Variants in MAMDC2 observed in about 807,000 individuals in gnomAD.
MAMDC2 encodes the protein MAM domain-containing protein 2.
Under a neutral mutation model 89.8 loss-of-function variants are expected in MAMDC2, and 57 were observed. The ratio of observed to expected loss-of-function variants is 0.63; its 90% CI spans 0.51 to 0.79. The LOEUF (loss-of-function observed/expected upper bound fraction) is 0.79. MAMDC2 is among the 30% of genes least tolerant of loss of function. The probability of loss-of-function intolerance (pLI) is 0.00; values close to 1 mark genes in which losing one functional copy is unlikely to be tolerated. For synonymous variants in MAMDC2, 313 were observed against 293.4 expected (o/e 1.07, Z -0.68); for missense variants, 800 against 820.6 (o/e 0.97, Z 0.31).
At chr9:70,176,880 A>C (rs1212699253) in intron 11 of MAMDC2, among the ~76,000 whole-genome samples, 1 of 152,184 alleles carries the variant, frequency 6.6e-6, no homozygotes, top group Admixed American at 6.5e-5. Flanking sequence ...GTTCCCCCTT[A>C]TCTGCAGGGC....
intron 11 of MAMDC2, among the ~76,000 whole-genome samples, chr9:70,190,227 G>GT (rs1212263642): frequency 6.6e-6 from 1 of 151,956 alleles, no homozygotes; most frequent in Non-Finnish European, 1.5e-5. Context: ...TCTCCCCATA[G>GT]TTTTTTTGTT....
chr9:70,199,049 T>G (rs1392224515), intron 11 of MAMDC2, among the ~76,000 whole-genome samples: 1 of 20,132 alleles, frequency 5.0e-5, no homozygotes, highest in African/African-American at 1.9e-4. Context: ...GCTTATTTTT[T>G]TTTTCGTTTG....
chr9:70,096,831 A>AG (rs752735987), intron 2 of MAMDC2, among the ~76,000 whole-genome samples: 22 of 152,210 alleles, frequency 1.4e-4, no homozygotes, highest in Admixed American at 2.6e-4. Flanking sequence ...AAACTATTAA[A>AG]GGGGGGGATC....
At chr9:70,137,634 T>C (rs1446039280) in intron 7 of MAMDC2, among the ~76,000 whole-genome samples, 1 of 152,184 alleles carries the variant, frequency 6.6e-6, no homozygotes, top group African/African-American at 2.4e-5. Context: ...ATTGAGAATA[T>C]AGTAAGTTTT....
chr9:70,112,433 G>C (rs1828535080), intron 4 of MAMDC2, among the ~76,000 whole-genome samples: 1 of 152,110 alleles, frequency 6.6e-6, no homozygotes, highest in African/African-American at 2.4e-5. Flanking sequence ...GAAAAACAGG[G>C]AATTTTAGCA....
rs554921776 is a variant in MAMDC2, at chr9:70,207,662, TTTG to T, written c.1652-10670_1652-10668del. Among the ~76,000 whole-genome samples the T allele has an allele frequency of 3.3e-5, 5 of 152,334 alleles. No homozygotes were observed. The South Asian group carries it at 1.0e-3, about 32-fold the overall frequency. On this transcript the variant is annotated intron_variant, in intron 11 of 13. Coordinates refer to ENST00000377182, the MANE Select transcript of MAMDC2 (RefSeq NM_153267.5). ...TAGATCCCATTTGTCAATTTTGGCT[TTTG>T]TTGTCATTGCTTTTGGTGTTTTCGA...
chr9:70,101,859 C>T (rs767902004), intron 2 of MAMDC2, among the ~76,000 whole-genome samples: 8 of 152,210 alleles, frequency 5.3e-5, no homozygotes, highest in Non-Finnish European at 1.0e-4. Flanking sequence ...TATCTCACTT[C>T]AGTTTTACAG....
intron 8 of MAMDC2, among the ~76,000 whole-genome samples, chr9:70,143,329 C>A (rs1446342009): frequency 1.3e-5 from 2 of 152,146 alleles, no homozygotes; most frequent in African/African-American, 2.4e-5. Context: ...TATAGAAAAT[C>A]TGTACTGGTT....
intron 2 of MAMDC2, among the ~76,000 whole-genome samples, chr9:70,083,184 C>T (rs905614645): frequency 7.9e-5 from 12 of 152,132 alleles, no homozygotes; most frequent in African/African-American, 2.7e-4. Flanking sequence ...CTGCTATTGT[C>T]TCATTTTCAG....
intron 5 of MAMDC2, among the ~76,000 whole-genome samples, chr9:70,118,983 A>G (rs1467240687): frequency 1.3e-5 from 2 of 152,210 alleles, no homozygotes; most frequent in African/African-American, 4.8e-5. Context: ...GATGATGGAA[A>G]TGACTAAAAT....
intron 2 of MAMDC2, among the ~76,000 whole-genome samples, chr9:70,077,515 T>C (rs892102082): frequency 1.3e-5 from 2 of 152,252 alleles, no homozygotes; most frequent in Non-Finnish European, 2.9e-5. Context: ...TAATTTTATT[T>C]CCTTTCAGTT....
chr9:70,098,142 CT>C (rs1206803501), intron 2 of MAMDC2, among the ~76,000 whole-genome samples: 1 of 152,166 alleles, frequency 6.6e-6, no homozygotes, highest in African/African-American at 2.4e-5. Context: ...TTAGTAAATA[CT>C]TATTAAGACA....
At chr9:70,053,273 A>T (rs1826953098) in intron 2 of MAMDC2, among the ~76,000 whole-genome samples, 1 of 152,210 alleles carries the variant, frequency 6.6e-6, no homozygotes, top group Admixed American at 6.5e-5. Flanking sequence ...CATGTGTTTT[A>T]TGGGATTCTG....
intron 2 of MAMDC2, among the ~76,000 whole-genome samples, chr9:70,074,408 G>C (rs1827481912): frequency 6.6e-6 from 1 of 152,218 alleles, no homozygotes; most frequent in African/African-American, 2.4e-5. Flanking sequence ...TGAAATCCAA[G>C]GGGACAATGG....
intron 8 of MAMDC2, among the ~76,000 whole-genome samples, chr9:70,140,489 A>C (rs546918674): frequency 6.6e-5 from 10 of 152,344 alleles, no homozygotes; most frequent in African/African-American, 2.4e-4. Flanking sequence ...TTTGCTAGTT[A>C]ATTAAACAGG....
intron 2 of MAMDC2, among the ~76,000 whole-genome samples, chr9:70,066,186 G>A (rs1827257732): frequency 6.6e-6 from 1 of 152,176 alleles, no homozygotes; most frequent in African/African-American, 2.4e-5. Flanking sequence ...GAGACCCAAG[G>A]GAATGGGGCA....
At chr9:70,175,275 A>G (rs1435863474) in intron 11 of MAMDC2, among the ~76,000 whole-genome samples, 2 of 152,230 alleles carry the variant, frequency 1.3e-5, no homozygotes, top group African/African-American at 4.8e-5. Context: ...TTTGACCAGC[A>G]ACCATGGATT....
At chr9:70,142,917 G>A (rs1183273940) in intron 8 of MAMDC2, among the ~76,000 whole-genome samples, 1 of 152,184 alleles carries the variant, frequency 6.6e-6, no homozygotes, top group Non-Finnish European at 1.5e-5. Context: ...CATGGGGATG[G>A]TGGGAGGGGG....
chr9:70,176,956 AT>A, intron 11 of MAMDC2, among the ~76,000 whole-genome samples: 1 of 152,292 alleles, frequency 6.6e-6, no homozygotes, highest in East Asian at 1.9e-4. Context: ...TATACAATAT[AT>A]TTTTCTCATA....
Sources: gnomAD v4.1 joint callset for allele counts (sites outside exome capture counted in the v4.1 genomes callset) on GRCh38, gnomAD v4.1.1 for gene constraint, MANE v1.5 for transcripts, NCBI Gene and HGNC (gene_info 2026-07-23, HGNC 2026-07-21) for gene names.